NRG1: variants seen among roughly 807,000 people sequenced by gnomAD.
The protein encoded by NRG1 is pro-neuregulin-1, membrane-bound isoform.
In NRG1, 18 loss-of-function variants were observed where a neutral mutation model predicts 63.8. That is an observed-to-expected ratio of 0.28 (90% CI 0.19 to 0.42). The LOEUF is 0.42. Ranked by LOEUF, NRG1 falls within the 10% of genes least tolerant of loss-of-function variation. NRG1 has a pLI of 1.00. For missense variants in NRG1, 762 were observed against 814.7 expected, an observed-to-expected ratio of 0.94 and a Z score of 0.79; for synonymous variants, 302 against 301.3, an observed-to-expected ratio of 1.00 and a Z score of -0.02.
chr8:32,366,675 GTGTATATATA>G (rs1317016703), intron 1 of NRG1, among the ~76,000 whole-genome samples: 15 of 54,536 alleles, frequency 2.8e-4, no homozygotes, highest in African/African-American at 1.0e-3. Flanking sequence ...GTGTGTGTGT[GTGTATATATA>G]TATATATATA....
intron 1 of NRG1, among the ~76,000 whole-genome samples, chr8:32,167,920 C>T (rs953277868): frequency 1.3e-5 from 2 of 152,188 alleles, no homozygotes; most frequent in African/African-American, 4.8e-5. Flanking sequence ...AAGGAAATGG[C>T]TTTATCATCT....
rs558752412 is a variant in NRG1, at chr8:32,279,392, C to T, written c.38-316436C>T. ...TTTTTGAGACGGAGTCTCACTCTGT[C>T]GCCAGGCTGGAGTGCAGTGGTGTGA... On this transcript the variant is annotated intron_variant, in intron 1 of 10. Coordinates refer to the NRG1 transcript ENST00000519301. 2.6e-5 allele frequency among the ~76,000 whole-genome samples: 4 copies of T among 152,280 alleles called. No individual in the cohort carries two copies. The East Asian group carries it at 7.7e-4, about 30-fold the overall frequency.
rs755137145 is a variant in NRG1, at chr8:32,727,938, C to G, written c.503-11C>G. 1 of 1,613,522 alleles carries G rather than the reference C, an allele frequency of 6.2e-7. No homozygotes were observed. On this transcript the variant is annotated splice_polypyrimidine_tract_variant and intron_variant, in intron 5 of 11. Transcript: ENST00000356819. ...GTCCATGTTAACCTTTCTCCTTTCT[C>G]TCCTCTTCAGCTACATCTACATCCA...
intron 1 of NRG1, among the ~76,000 whole-genome samples, chr8:32,346,383 C>G (rs1804896631): frequency 6.6e-6 from 1 of 150,818 alleles, no homozygotes; most frequent in African/African-American, 2.4e-5. Flanking sequence ...ATCTGTTGAC[C>G]AAAACAAATC....
Position 32,348,598 on chromosome 8 carries a change from C to A in NRG1, c.38-247230C>A, listed in dbSNP as rs1364824493. 2.0e-5 allele frequency among the ~76,000 whole-genome samples: 3 copies of A among 152,114 alleles called. No individual in the cohort carries two copies. The East Asian group carries it at 5.8e-4, about 29-fold the overall frequency. ...TAACATAAAGAAAAATCCTTTATAG[C>A]CACTTACTTACTCAATTGTATAGTG... On this transcript the variant is annotated intron_variant, in intron 1 of 10. Transcript: ENST00000519301.
intron 1 of NRG1, among the ~76,000 whole-genome samples, chr8:32,240,451 A>G (rs553546773): frequency 5.9e-5 from 9 of 152,048 alleles, no homozygotes; most frequent in Non-Finnish European, 1.3e-4. Flanking sequence ...TGCGCCAGGG[A>G]TCCTGGTGAG....
intron 1 of NRG1, among the ~76,000 whole-genome samples, chr8:31,912,038 A>T (rs1404089403): frequency 6.6e-6 from 1 of 152,144 alleles, no homozygotes; most frequent in Admixed American, 6.5e-5. Flanking sequence ...AAAATGGTAA[A>T]AATCATACCT....
At chr8:32,570,089 G>T (rs982419645) in intron 1 of NRG1, among the ~76,000 whole-genome samples, 2 of 151,744 alleles carry the variant, frequency 1.3e-5, no homozygotes, top group African/African-American at 4.8e-5. Context: ...TGTATTTTTA[G>T]TAGAGACGGG....
chr8:32,069,177 T>C (rs1825361882), intron 1 of NRG1, among the ~76,000 whole-genome samples: 1 of 152,170 alleles, frequency 6.6e-6, no homozygotes, highest in Non-Finnish European at 1.5e-5. Flanking sequence ...TTACTGGAAG[T>C]CTTTTAGAGT....
At chr8:32,344,381 T>C (rs9773986) in intron 1 of NRG1, among the ~76,000 whole-genome samples, 1 of 90,112 alleles carries the variant, frequency 1.1e-5, no homozygotes, top group Admixed American at 1.1e-4. Flanking sequence ...TTTCTTTCTT[T>C]CTCTTTCTTT....
chr8:32,233,548 TATATATATATATATA>T (rs1847190802), intron 1 of NRG1, among the ~76,000 whole-genome samples: 2 of 71,060 alleles, frequency 2.8e-5, no homozygotes, highest in Admixed American at 2.0e-4. Flanking sequence ...TATATATATA[TATATATATATATATA>T]TTTTTTTTTT....
chr8:31,678,218 A>G (rs1297312886), intron 1 of NRG1, among the ~76,000 whole-genome samples: 5 of 152,216 alleles, frequency 3.3e-5, no homozygotes, highest in Non-Finnish European at 5.9e-5. Context: ...AAAAGGTTCC[A>G]TGGTCAAGTT....
chr8:32,075,695 C>G (rs56285845), intron 1 of NRG1, among the ~76,000 whole-genome samples: 147,655 of 151,434 alleles, frequency 0.98, 71,990 homozygotes, highest in East Asian at 1. Context: ...TTTTTTGAGA[C>G]GGAGTCTCGC....
chr8:31,689,569 C>T (rs535731283), intron 1 of NRG1, among the ~76,000 whole-genome samples: 20 of 152,214 alleles, frequency 1.3e-4, no homozygotes, highest in African/African-American at 3.9e-4. Flanking sequence ...CCATGCTGGC[C>T]TCTGTTGCAG....
chr8:31,773,592 T>G (rs914327634), intron 1 of NRG1, among the ~76,000 whole-genome samples: 4 of 152,220 alleles, frequency 2.6e-5, no homozygotes, highest in Admixed American at 6.5e-5. Flanking sequence ...CAGAGGGATC[T>G]TTTAAAATTA....
At chr8:32,760,223 G>A in exon 11 of NRG1, 1 of 1,613,964 alleles carries the variant, frequency 6.2e-7, no homozygotes, top group Non-Finnish European at 8.5e-7. Flanking sequence ...CACACTGAAA[G>A]CATCCTTTCC....
At chr8:31,854,473 TTTA>T (rs1443964570) in intron 1 of NRG1, among the ~76,000 whole-genome samples, 2 of 151,788 alleles carry the variant, frequency 1.3e-5, no homozygotes, top group African/African-American at 4.8e-5. Flanking sequence ...TTTATCATTT[TTTA>T]TTGTGTCTAT....
Position 32,665,588 on chromosome 8 carries a change from A to G in NRG1, c.502+48703A>G, listed in dbSNP as rs376660665. ...GTGATGTATGCACTATGTTCCAGGG[A>G]AAGGAATAGTTCAAGATTAAAGAGG... On this transcript the variant is annotated intron_variant, in intron 5 of 11. Transcript: ENST00000356819. Among the ~76,000 whole-genome samples the G allele has an allele frequency of 1.5e-3, 227 of 152,260 alleles. 1 individual carries two copies. Among genetic ancestry groups the G allele is most frequent in the African/African-American group, 5.2e-3 (218 of 41,570 alleles).
At chr8:32,324,654 T>C (rs749757927) in intron 1 of NRG1, among the ~76,000 whole-genome samples, 2 of 152,184 alleles carry the variant, frequency 1.3e-5, no homozygotes, top group Non-Finnish European at 2.9e-5. Flanking sequence ...CTCTGAGGAT[T>C]CTGCACTGCA....
Sources: allele counts gnomAD v4.1 joint callset (sites outside exome capture counted in the v4.1 genomes callset), GRCh38; gene constraint gnomAD v4.1.1; transcripts MANE v1.5; gene names NCBI Gene and HGNC (gene_info 2026-07-23, HGNC 2026-07-21).